The following PTPRH variants were observed in gnomAD, a reference collection of about 807,000 sequenced individuals.
The protein encoded by PTPRH is protein tyrosine phosphatase receptor type H, also known as receptor-type tyrosine-protein phosphatase H.
Under a neutral mutation model 130.2 loss-of-function variants are expected in PTPRH, and 113 were observed. The ratio of observed to expected loss-of-function variants is 0.87; its 90% CI spans 0.75 to 1.01. The LOEUF (loss-of-function observed/expected upper bound fraction) is 1.01, where lower values mean the gene tolerates loss of function less well. Among genes scored for constraint, PTPRH ranks in the 50% least tolerant of loss-of-function variants. The pLI is 0.00. For synonymous variants in PTPRH, 556 were observed against 577.9 expected (o/e 0.96, Z 0.54); for missense variants, 1,430 against 1,425.0 (o/e 1.00, Z -0.06).
intron 10 of PTPRH, chr19:55,194,015 AT>A: frequency 2.2e-6 from 1 of 464,122 alleles, no homozygotes. Flanking sequence ...CGCCCAGCTA[AT>A]TTTTTGTATT....
chr19:55,187,372 A>AG (rs2086388556), intron 14 of PTPRH, 141 bp downstream of exon 14: 2 of 354,900 alleles, frequency 5.6e-6, no homozygotes, highest in African/African-American at 4.4e-5. Flanking sequence ...AAAAAAAGAA[A>AG]AAAAAAAAAG....
intron 5 of PTPRH, 114 bp downstream of exon 5, chr19:55,203,668 C>T: frequency 7.9e-7 from 1 of 1,258,906 alleles, no homozygotes; most frequent in Non-Finnish European, 1.1e-6. Context: ...TCACCTGTGG[C>T]TTCCACTGTG....
At position 55,203,959 on chromosome 19, in the gene PTPRH, G is replaced by A; in HGVS notation, c.709C>T (p.Gln237Ter). Residue 237 changes from glutamine to a stop codon, truncating the protein, a stop_gained, in exon 5 of 20, where the codon CAG (glutamine) becomes TAG (stop). Coordinates refer to ENST00000376350, the MANE Select transcript of PTPRH (RefSeq NM_002842.5). LOFTEE classifies it high-confidence loss of function. The stretch of plus-strand genomic sequence containing the variant: ...CACTGAACGCAGTAGGTCGAGTTCT[G>A]TGGGTCTGTGCCATCGGGGACCTCC... ...SWEVPDGTDP[Q>*]NSTYCVQCTG... 6.2e-7 allele frequency: 1 copy of A among 1,614,212 alleles called. No homozygotes were observed. Among genetic ancestry groups the A allele is most frequent in the Non-Finnish European group, 8.5e-7 (1 of 1,180,024 alleles).
At chr19:55,187,300 G>C (rs59990484) in intron 14 of PTPRH, among the ~76,000 whole-genome samples, 1,370 of 125,870 alleles carry the variant, frequency 0.011, 37 homozygotes, top group African/African-American at 0.042. Flanking sequence ...AGCCGAGATC[G>C]CGCCACTGCA....
At chr19:55,203,049 C>T (rs1399348249) in intron 5 of PTPRH, among the ~76,000 whole-genome samples, 1 of 149,788 alleles carries the variant, frequency 6.7e-6, no homozygotes, top group East Asian at 2.0e-4. Context: ...AAAAAAAGGG[C>T]TGGGCACGGT....
chr19:55,197,343 A>C lies in PTPRH; in HGVS notation c.1764T>G (p.Pro588=). 1 of 1,614,200 alleles carries C rather than the reference A, an allele frequency of 6.2e-7. No individual in the cohort carries two copies. The highest frequency in any genetic ancestry group is 8.5e-7 in the Non-Finnish European group (1 of 1,180,024). Residue 588 remains proline (P), a synonymous_variant, in exon 9 of 20, where the codon CCT becomes CCG. Transcript: ENST00000376350. ...CGTACAACTGAGAGTGGGGGTCTCC[A>C]GGGGCCTTCCACCACAGCATGACTG... ...KNSVMLWWKA[P]GDPHSQLYVY...
intron 12 of PTPRH, among the ~76,000 whole-genome samples, chr19:55,189,175 G>A (rs755312890): frequency 1.1e-4 from 17 of 152,026 alleles, no homozygotes; most frequent in Non-Finnish European, 1.9e-4. Context: ...TAGTAGAAAC[G>A]GGGTTTTGCC....
chr19:55,185,509 G>A lies in PTPRH; in HGVS notation c.3055C>T (p.His1019Tyr), dbSNP rs2086292739. The A allele has an allele frequency of 6.2e-7, 1 of 1,614,002 alleles. No individual in the cohort carries two copies. Among genetic ancestry groups the A allele is most frequent in the South Asian group, 1.1e-5 (1 of 91,090 alleles). ...TCCTGGGCTGGTCCCCACCTGCAGT[G>A]CACAATGGGTGGGCCTCCCTCCATG... is the stretch of plus-strand genomic sequence containing the variant. The part of the protein sequence containing the change: ...QTMEGGPPIV[H>Y]CSAGVGRTGT... Residue 1019 changes from histidine to tyrosine, a missense_variant, in exon 18 of 20, where the codon CAC (histidine) becomes TAC (tyrosine). Coordinates refer to ENST00000376350, the MANE Select transcript of PTPRH (RefSeq NM_002842.5).
chr19:55,200,929 C>T (rs1327348438), intron 6 of PTPRH, among the ~76,000 whole-genome samples: 4 of 149,902 alleles, frequency 2.7e-5, no homozygotes, highest in Admixed American at 6.6e-5. Context: ...GGCGACACAG[C>T]GAGACTCCGT....
intron 9 of PTPRH, 145 bp from the exon 10 acceptor site, chr19:55,196,933 C>G: frequency 8.1e-7 from 1 of 1,233,598 alleles, no homozygotes; most frequent in Non-Finnish European, 1.1e-6. Context: ...CTGTCCTCCC[C>G]GAATGGACAC....
chr19:55,190,491 A>ATTTATAT (rs945478894), intron 12 of PTPRH, among the ~76,000 whole-genome samples: 23 of 106,544 alleles, frequency 2.2e-4, no homozygotes, highest in Middle Eastern at 4.9e-3. Context: ...ATATTATATA[A>ATTTATAT]TTTATATATT....
intron 12 of PTPRH, among the ~76,000 whole-genome samples, chr19:55,189,981 G>T (rs1337840270): frequency 6.6e-6 from 1 of 151,682 alleles, no homozygotes; most frequent in African/African-American, 2.4e-5. Context: ...GCCACAGAGT[G>T]AGACCCTGTC....
In PTPRH at chr19:55,187,544, G is replaced by A. The variant is rs775057911; in HGVS notation, c.2535C>T (p.Asn845=). 36 of 1,613,210 alleles carry A rather than the reference G, an allele frequency of 2.2e-5. No homozygotes were observed. The highest frequency in any genetic ancestry group is 1.6e-4 in the Middle Eastern group (1 of 6,082). Reference sequence around the variant, plus strand: ...GCACATTTCTGTAGCGGTTCTTGGCGTTGTTCTCTGAAGCCGAAGCCACCA... The same window carrying A: ...GCACATTTCTGTAGCGGTTCTTGGCATTGTTCTCTGAAGCCGAAGCCACCA... The part of the protein sequence containing the change: ...SQMVASASEN[N]AKNRYRNVLP... The change falls in exon 14 of 20, where the codon AAC becomes AAT. Residue 845 remains asparagine (N), a synonymous_variant. Coordinates refer to ENST00000376350, the MANE Select transcript of PTPRH (RefSeq NM_002842.5).
At chr19:55,205,260 G>T in intron 4 of PTPRH, 66 bp downstream of exon 4, 1 of 1,593,464 alleles carries the variant, frequency 6.3e-7, no homozygotes, top group Non-Finnish European at 8.6e-7. Flanking sequence ...ATAGAAATCC[G>T]CTACGTTCTC....
At chr19:55,197,548 CA>C in intron 8 of PTPRH, 132 bp from the exon 9 acceptor site, 1 of 835,272 alleles carries the variant, frequency 1.2e-6, no homozygotes, top group East Asian at 2.5e-5. Context: ...GGCTGAACCA[CA>C]GGAAAGAGTC....
rs140285575 is a variant in PTPRH at position 55,186,499 on chromosome 19, G to A, written c.2608C>T (p.Pro870Ser). The A allele has an allele frequency of 4.2e-5, 68 of 1,609,924 alleles. No homozygotes were observed. In the African/African-American group the frequency reaches 7.0e-4, roughly 17 times the overall value. The change falls in exon 15 of 20, where the codon CCA (proline) becomes TCA (serine). Residue 870 changes from proline (P) to serine (S), a missense_variant. Pro to Ser is a moderately conservative substitution (Grantham distance 74, BLOSUM62 -1). Transcript: ENST00000376350. Reference protein sequence around the residue: ...RVPLKPIHEEPGSDYINASFM... With the variant: ...RVPLKPIHEESGSDYINASFM... ...CTGGCATTGATGTAGTCAGAGCCTG[G>A]CTCCTCATGGATGGGCTTCAGGGGC...
In PTPRH at chr19:55,191,759, C is replaced by T. The variant is rs373756258; in HGVS notation, c.2258-18G>A. On this transcript the variant is annotated intron_variant, in intron 10 of 19. Transcript: ENST00000376350. ...AATGACCCCTGTGGGGAGGAGGCATCGGGAACCCTCAGAGCGCAGGTCTGA... is the reference window on the plus strand; with the variant it reads ...AATGACCCCTGTGGGGAGGAGGCATTGGGAACCCTCAGAGCGCAGGTCTGA... The T allele has an allele frequency of 8.5e-5, 137 of 1,604,084 alleles. No homozygotes were observed. The Middle Eastern group carries it at 1.5e-3, about 17-fold the overall frequency.
intron 10 of PTPRH, 30 bp from the exon 11 acceptor site, chr19:55,191,771 G>C (rs1431337082): frequency 1.3e-6 from 2 of 1,581,758 alleles, no homozygotes; most frequent in African/African-American, 1.3e-5. Flanking sequence ...GGAACCCTCA[G>C]AGCGCAGGTC....
At chr19:55,198,604 A>C (rs1600049972) in intron 8 of PTPRH, 39 bp downstream of exon 8, 2 of 1,514,378 alleles carry the variant, frequency 1.3e-6, no homozygotes, top group East Asian at 4.7e-5. Context: ...TCCTTCCCCC[A>C]TCCTAATAGG....
Sources: allele counts gnomAD v4.1 joint callset (sites outside exome capture counted in the v4.1 genomes callset), GRCh38; gene constraint gnomAD v4.1.1; transcripts MANE v1.5; gene names NCBI Gene and HGNC (gene_info 2026-07-23, HGNC 2026-07-21).